LRIG1: variants seen among roughly 807,000 people sequenced by gnomAD.
LRIG1 encodes leucine-rich repeats and immunoglobulin-like domains protein 1.
In LRIG1, 48 loss-of-function variants were observed where a neutral mutation model predicts 99.2. The observed-to-expected ratio is 0.48, with a 90% CI of 0.38 to 0.62. LRIG1 has a LOEUF of 0.62. LRIG1 is among the 20% of genes least tolerant of loss of function. The pLI, the probability that LRIG1 is intolerant of heterozygous loss-of-function variation, is 0.00. For synonymous variants in LRIG1, 772 were observed against 596.1 expected (o/e 1.29, Z -4.30); for missense variants, 1,646 against 1,434.4 (o/e 1.15, Z -2.38).
intron 10 of LRIG1, among the ~76,000 whole-genome samples, chr3:66,398,443 C>A (rs1701936541): frequency 6.6e-6 from 1 of 152,216 alleles, no homozygotes; most frequent in Non-Finnish European, 1.5e-5. Context: ...TAGAGTCAAA[C>A]TTGATTCAAA....
chr3:66,486,926 C>T (rs1700987824), intron 1 of LRIG1, among the ~76,000 whole-genome samples: 1 of 152,182 alleles, frequency 6.6e-6, no homozygotes, highest in Non-Finnish European at 1.5e-5. Flanking sequence ...TCTGAGACAT[C>T]AGCTCCAAAT....
intron 3 of LRIG1, among the ~76,000 whole-genome samples, chr3:66,427,605 G>A (rs1703026328): frequency 6.6e-6 from 1 of 152,206 alleles, no homozygotes; most frequent in South Asian, 2.1e-4. Flanking sequence ...TTCGAGACCA[G>A]CCTGGGCAAC....
At chr3:66,449,484 T>C (rs1703832470) in intron 3 of LRIG1, among the ~76,000 whole-genome samples, 1 of 152,218 alleles carries the variant, frequency 6.6e-6, no homozygotes, top group Non-Finnish European at 1.5e-5. Context: ...TCTAATGGAA[T>C]AGCAGGAACA....
At chr3:66,433,321 G>C (rs770006297) in intron 3 of LRIG1, among the ~76,000 whole-genome samples, 8 of 152,232 alleles carry the variant, frequency 5.3e-5, no homozygotes, top group South Asian at 2.1e-4. Flanking sequence ...GGCACAGTAA[G>C]CCAGACCAGA....
At chr3:66,410,620 T>C (rs372051428) in intron 6 of LRIG1, among the ~76,000 whole-genome samples, 19 of 152,300 alleles carry the variant, frequency 1.2e-4, no homozygotes, top group African/African-American at 3.8e-4. Flanking sequence ...GGAGGATCGC[T>C]TGAGCTCGGG....
chr3:66,393,070 G>C (rs1701687780), intron 12 of LRIG1, among the ~76,000 whole-genome samples: 1 of 152,196 alleles, frequency 6.6e-6, no homozygotes, highest in South Asian at 2.1e-4. Context: ...TGGATGCATG[G>C]AGAGGGCACA....
intron 3 of LRIG1, among the ~76,000 whole-genome samples, chr3:66,425,790 G>T (rs1252831834): frequency 6.6e-6 from 1 of 152,200 alleles, no homozygotes; most frequent in East Asian, 1.9e-4. Flanking sequence ...CTGGAGCGAG[G>T]AGAACTTAAT....
chr3:66,436,458 A>C (rs1211232966), intron 3 of LRIG1, among the ~76,000 whole-genome samples: 1 of 152,236 alleles, frequency 6.6e-6, no homozygotes, highest in Admixed American at 6.5e-5. Flanking sequence ...GGCATTTGCT[A>C]AACTTACATG....
chr3:66,416,913 T>C lies in LRIG1; in HGVS notation c.503+216A>G, dbSNP rs544530138. Among the ~76,000 whole-genome samples the C allele has an allele frequency of 2.2e-4, 33 of 152,354 alleles. 1 individual carries two copies. In the East Asian group the frequency reaches 5.4e-3, roughly 25 times the overall value. The stretch of plus-strand genomic sequence containing the variant: ...GCCTCTGTCCCTTGTCTGTCTGTAA[T>C]GTCAGGATAATGCTGCAGGATCTGG... On this transcript the variant is annotated intron_variant, in intron 4 of 18. Coordinates refer to ENST00000273261, the MANE Select transcript of LRIG1 (RefSeq NM_015541.3).
At chr3:66,424,640 A>G (rs983582667) in intron 3 of LRIG1, among the ~76,000 whole-genome samples, 1 of 152,218 alleles carries the variant, frequency 6.6e-6, no homozygotes, top group African/African-American at 2.4e-5. Context: ...TTATATACAC[A>G]GTAGATCCTG....
intron 1 of LRIG1, among the ~76,000 whole-genome samples, chr3:66,484,192 G>T (rs540300765): frequency 1.8e-4 from 27 of 152,334 alleles, no homozygotes; most frequent in South Asian, 1.2e-3. Context: ...GATGAAGCCT[G>T]GGAGGTCTGA....
chr3:66,380,823 C>T lies in LRIG1; in HGVS notation c.2809G>A (p.Glu937Lys), dbSNP rs749160433. The T allele has an allele frequency of 2.7e-5, 44 of 1,614,206 alleles. 1 individual carries two copies. The highest frequency in any genetic ancestry group is 1.9e-4 in the South Asian group (17 of 91,078). ...TGTCCCCTGGAGTAACAGTCCACTT[C>T]GGTGTTGCAGTCACTGCATACGACC... ...GRVVCSDCNT[E>K]VDCYSRGQAF... The change falls in exon 18 of 19, where the codon GAA (glutamate) becomes AAA (lysine). Residue 937 changes from glutamate to lysine, a missense_variant. Glu to Lys is a moderately conservative substitution (Grantham distance 56). Coordinates refer to ENST00000273261, the MANE Select transcript of LRIG1 (RefSeq NM_015541.3).
At chr3:66,486,936 T>C (rs549402914) in intron 1 of LRIG1, among the ~76,000 whole-genome samples, 17 of 152,300 alleles carry the variant, frequency 1.1e-4, no homozygotes, top group Admixed American at 9.2e-4. Context: ...CAGCTCCAAA[T>C]AGAGGAAAAA....
chr3:66,440,163 T>A (rs1010037659), intron 3 of LRIG1, among the ~76,000 whole-genome samples: 1 of 152,144 alleles, frequency 6.6e-6, no homozygotes, highest in Non-Finnish European at 1.5e-5. Flanking sequence ...GGCTGCACAC[T>A]GAAATGACCT....
At chr3:66,496,179 A>G (rs964247876) in intron 1 of LRIG1, among the ~76,000 whole-genome samples, 9 of 152,246 alleles carry the variant, frequency 5.9e-5, no homozygotes, top group Non-Finnish European at 1.3e-4. Flanking sequence ...ATAATTATGC[A>G]AAGAGACAAT....
In LRIG1 at chr3:66,386,161, G is replaced by A. The variant is rs1293320245; in HGVS notation, c.1609C>T (p.Leu537=). ...AAGTTCTCCATGTCTGCATTGGTCA[G>A]GACTTCATTGTCTTTCTTCCAGGCA... ...TFAWKKDNEV[L]TNADMENFVH... The change falls in exon 13 of 19, where the codon CTG becomes TTG. Residue 537 remains leucine (L), a synonymous_variant. Transcript: ENST00000273261. The A allele has an allele frequency of 1.2e-6, 2 of 1,614,048 alleles. No homozygotes were observed. Among genetic ancestry groups the A allele is most frequent in the Non-Finnish European group, 1.7e-6 (2 of 1,180,044 alleles).
At chr3:66,381,070 T>C in intron 17 of LRIG1, 5 of 603,792 alleles carry the variant, frequency 8.3e-6, no homozygotes, top group Non-Finnish European at 1.5e-5. Flanking sequence ...CTTTCGTGTT[T>C]ACAGTGAATT....
At chr3:66,477,944 G>T (rs1389621629) in intron 1 of LRIG1, among the ~76,000 whole-genome samples, 2 of 152,106 alleles carry the variant, frequency 1.3e-5, no homozygotes, top group Non-Finnish European at 2.9e-5. Context: ...TTAAACCTTG[G>T]GGGTATGAGT....
In LRIG1 at chr3:66,383,237, G is replaced by A. The variant is rs1701187403; in HGVS notation, c.2236C>T (p.Gln746Ter). Residue 746 changes from glutamine to a stop codon, truncating the protein, a stop_gained, in exon 15 of 19, where the codon CAG (glutamine) becomes TAG (stop). Transcript: ENST00000273261. LOFTEE classifies it high-confidence loss of function. ...TERHHLTPDNQLLVVQNVVAE... is the reference protein window; with the variant it reads ...TERHHLTPDN ...ACCACGTTCTGAACCACCAGGAGCT[G>A]GTTGTCAGGGGTCAAGTGGTGCCGC... 4 of 1,614,118 alleles carry A rather than the reference G, an allele frequency of 2.5e-6. No individual in the cohort carries two copies. Among genetic ancestry groups the A allele is most frequent in the Non-Finnish European group, 3.4e-6 (4 of 1,180,048 alleles).
Sources: allele counts gnomAD v4.1 joint callset (sites outside exome capture counted in the v4.1 genomes callset), GRCh38; gene constraint gnomAD v4.1.1; transcripts MANE v1.5; gene names NCBI Gene and HGNC (gene_info 2026-07-23, HGNC 2026-07-21).